The following PTPN4 variants were observed in gnomAD, a reference collection of about 807,000 sequenced individuals.
PTPN4 encodes the protein protein tyrosine phosphatase non-receptor type 4, also known as tyrosine-protein phosphatase non-receptor type 4.
Under a neutral mutation model 135.5 loss-of-function variants are expected in PTPN4, and 49 were observed. The ratio of observed to expected loss-of-function variants is 0.36; its 90% CI spans 0.29 to 0.46. The LOEUF (loss-of-function observed/expected upper bound fraction) is 0.46. Among genes scored for constraint, PTPN4 ranks in the 20% least tolerant of loss-of-function variants. The pLI, the probability that PTPN4 is intolerant of heterozygous loss-of-function variation, is 1.00. For missense variants in PTPN4, 860 were observed against 1,101.0 expected (o/e 0.78, Z 3.10); for synonymous variants, 333 against 369.9 (o/e 0.90, Z 1.14).
intron 12 of PTPN4, among the ~76,000 whole-genome samples, chr2:119,923,914 G>T (rs1678774356): frequency 6.6e-6 from 1 of 152,078 alleles, no homozygotes; most frequent in Admixed American, 6.5e-5. Flanking sequence ...GAGGCGGGCG[G>T]ATCACGAGGT....
intron 16 of PTPN4, among the ~76,000 whole-genome samples, chr2:119,945,993 T>G (rs1679127611): frequency 2.0e-5 from 3 of 152,138 alleles, no homozygotes; most frequent in African/African-American, 7.2e-5. Flanking sequence ...TTTGAATTCA[T>G]GTAACACTTA....
At chr2:119,957,381 T>C (rs1679303779) in intron 22 of PTPN4, among the ~76,000 whole-genome samples, 2 of 152,148 alleles carry the variant, frequency 1.3e-5, no homozygotes, top group Admixed American at 1.3e-4. Context: ...GTCAACTGTC[T>C]AGAACAGGAG....
intron 13 of PTPN4, among the ~76,000 whole-genome samples, chr2:119,927,443 CATG>C (rs1386904413): frequency 1.3e-5 from 2 of 152,144 alleles, no homozygotes; most frequent in East Asian, 3.9e-4. Context: ...AGTGAAATGA[CATG>C]ATAAGATCTA....
At chr2:119,886,829 A>G (rs939946904) in intron 9 of PTPN4, among the ~76,000 whole-genome samples, 4 of 152,286 alleles carry the variant, frequency 2.6e-5, no homozygotes, top group East Asian at 3.9e-4. Flanking sequence ...ATTAGTTCTT[A>G]TGTTTCACAA....
intron 1 of PTPN4, among the ~76,000 whole-genome samples, chr2:119,792,705 G>A (rs542061508): frequency 2.6e-5 from 4 of 152,168 alleles, no homozygotes; most frequent in East Asian, 1.9e-4. Context: ...ATATTTCAAC[G>A]TAGGTTCTTT....
At chr2:119,797,984 T>C (rs755098216) in intron 1 of PTPN4, among the ~76,000 whole-genome samples, 4 of 152,112 alleles carry the variant, frequency 2.6e-5, no homozygotes, top group African/African-American at 4.8e-5. Context: ...TTTTTGAACA[T>C]AAAAAGTAGA....
At chr2:119,781,371 T>A (rs34488739) in intron 1 of PTPN4, among the ~76,000 whole-genome samples, 42,476 of 152,044 alleles carry the variant, frequency 0.28, 7,395 homozygotes, top group East Asian at 0.48. Context: ...CATCCAGTAC[T>A]GCAACCATCT....
rs927084869 is a variant in PTPN4 at position 119,934,683 on chromosome 2, TC to T, written c.1197-116del. The T allele has an allele frequency of 1.6e-5, 16 of 1,007,450 alleles. No homozygotes were observed. The African/African-American group carries it at 2.6e-4, about 17-fold the overall frequency. 62.4% of individuals were successfully genotyped at this position (1,007,450 alleles called of 1,614,324 possible). On this transcript the variant is annotated intron_variant, in intron 14 of 26. Transcript: ENST00000263708. Reference sequence around the variant, plus strand: ...ACTGTCTTTTTCAGAGATTGCTTAGTCAACATGGCTTGACTTAAAAACACAT... The same window carrying T: ...ACTGTCTTTTTCAGAGATTGCTTAGTAACATGGCTTGACTTAAAAACACAT...
At chr2:119,960,331 A>C (rs1247185984) in intron 22 of PTPN4, among the ~76,000 whole-genome samples, 1 of 152,214 alleles carries the variant, frequency 6.6e-6, no homozygotes, top group Non-Finnish European at 1.5e-5. Context: ...GATACCCTCT[A>C]AAGTTACTTT....
At chr2:119,832,104 C>A (rs1202333351) in intron 2 of PTPN4, among the ~76,000 whole-genome samples, 4 of 152,102 alleles carry the variant, frequency 2.6e-5, no homozygotes, top group Non-Finnish European at 5.9e-5. Flanking sequence ...CCTGAATAGA[C>A]CTTAATATCA....
chr2:119,912,312 C>T (rs559642237), intron 10 of PTPN4, among the ~76,000 whole-genome samples: 2 of 152,190 alleles, frequency 1.3e-5, no homozygotes, highest in Admixed American at 6.5e-5. Context: ...CACTGTGTGG[C>T]GGAAGGAATC....
chr2:119,922,767 A>G (rs1678757308), intron 12 of PTPN4, among the ~76,000 whole-genome samples: 1 of 152,226 alleles, frequency 6.6e-6, no homozygotes, highest in Admixed American at 6.5e-5. Flanking sequence ...TAAATGTTTC[A>G]TAGAATTTGC....
chr2:119,941,162 AT>A (rs1679056858), intron 15 of PTPN4, among the ~76,000 whole-genome samples: 1 of 152,158 alleles, frequency 6.6e-6, no homozygotes, highest in Non-Finnish European at 1.5e-5. Context: ...TCATGACATT[AT>A]TTTTAATGTA....
intron 15 of PTPN4, among the ~76,000 whole-genome samples, chr2:119,941,419 G>GTGTA (rs1421037304): frequency 6.6e-6 from 1 of 151,680 alleles, no homozygotes; most frequent in African/African-American, 2.4e-5. Flanking sequence ...CAGAGTGTGT[G>GTGTA]TGTGTGTGTG....
chr2:119,924,953 C>T (rs561414339), intron 12 of PTPN4, among the ~76,000 whole-genome samples: 1 of 152,088 alleles, frequency 6.6e-6, no homozygotes, highest in African/African-American at 2.4e-5. Flanking sequence ...GAGAAAAAAA[C>T]AAGAAGAAGG....
intron 1 of PTPN4, among the ~76,000 whole-genome samples, chr2:119,783,653 C>G (rs925320124): frequency 5.8e-4 from 88 of 152,296 alleles, no homozygotes; most frequent in African/African-American, 1.9e-3. Context: ...GATTCAAGTA[C>G]TACTCTATTA....
At position 119,760,117 on chromosome 2, in the gene PTPN4, G is replaced by A. The variant is rs1690451246; in HGVS notation, c.-285G>A. 1 of 390,096 alleles carries A rather than the reference G, an allele frequency of 2.6e-6. No homozygotes were observed. The highest frequency in any genetic ancestry group is 2.1e-5 in the African/African-American group (1 of 48,256). The allele number at this position is 390,096 out of a possible 1,614,324, so 24.2% of individuals were successfully genotyped here. A position where few individuals can be genotyped will look rare whatever the true frequency, so the allele number is the denominator to read the frequency against. On this transcript the variant is annotated 5_prime_UTR_variant, in exon 1 of 27. Coordinates refer to ENST00000263708, the MANE Select transcript of PTPN4 (RefSeq NM_002830.4). ...CTCCCCCACGCACTTTTGGGGGTGT[G>A]GATTATCTCATCCCTGCAGGGAGGT...
At chr2:119,870,402 T>C (rs1037913661) in intron 3 of PTPN4, among the ~76,000 whole-genome samples, 3 of 152,218 alleles carry the variant, frequency 2.0e-5, no homozygotes, top group Middle Eastern at 3.2e-3. Context: ...TTGTAAAAGA[T>C]GTCAGCACTA....
At chr2:119,868,240 TCCTCTAGAAGTAGTATA>T (rs1214074689) in intron 3 of PTPN4, among the ~76,000 whole-genome samples, 2 of 152,152 alleles carry the variant, frequency 1.3e-5, no homozygotes, top group African/African-American at 4.8e-5. Context: ...AAGTAGTACT[TCCTCTAGAAGTAGTATA>T]CCCACTAGTA....
Sources: gnomAD v4.1 joint callset for allele counts (sites outside exome capture counted in the v4.1 genomes callset) on GRCh38, gnomAD v4.1.1 for gene constraint, MANE v1.5 for transcripts, NCBI Gene and HGNC (gene_info 2026-07-23, HGNC 2026-07-21) for gene names.